Variants in SCRT2 observed in about 807,000 individuals in gnomAD.
SCRT2 encodes transcriptional repressor scratch 2.
A neutral mutation model predicts 3.7 loss-of-function variants in SCRT2; 2 were observed. That is an observed-to-expected ratio of 0.54 (90% CI 0.22 to 1.70). SCRT2 has a LOEUF of 1.70. Among genes scored for constraint, SCRT2 ranks in the 40% most tolerant of loss-of-function variants. The pLI, the probability that SCRT2 is intolerant of heterozygous loss-of-function variation, is 0.19. For missense variants in SCRT2, 456 were observed against 468.5 expected (o/e 0.97, Z 0.25); for synonymous variants, 256 against 220.6 (o/e 1.16, Z -1.42).
intron 1 of SCRT2, among the ~76,000 whole-genome samples, chr20:670,589 G>C (rs926239338): frequency 6.6e-6 from 1 of 152,164 alleles, no homozygotes; most frequent in Non-Finnish European, 1.5e-5. Flanking sequence ...GGCAAGTCAC[G>C]GCCTCTCTGT....
At chr20:671,660 G>T (rs559094107) in intron 1 of SCRT2, among the ~76,000 whole-genome samples, 3 of 152,208 alleles carry the variant, frequency 2.0e-5, no homozygotes, top group Admixed American at 6.5e-5. Flanking sequence ...GGAAGTGGGC[G>T]CTGGTTTAAT....
At chr20:668,760 G>A (rs1383842097) in intron 1 of SCRT2, among the ~76,000 whole-genome samples, 2 of 152,220 alleles carry the variant, frequency 1.3e-5, no homozygotes, top group African/African-American at 4.8e-5. Context: ...GGTACTCAAA[G>A]GAGTGGTGAA....
chr20:669,329 G>A (rs535555449), intron 1 of SCRT2, among the ~76,000 whole-genome samples: 1 of 152,228 alleles, frequency 6.6e-6, no homozygotes, highest in Non-Finnish European at 1.5e-5. Flanking sequence ...CCATGCCCTT[G>A]TTCTGCAGAA....
chr20:670,355 G>A (rs1031857651), intron 1 of SCRT2, among the ~76,000 whole-genome samples: 1 of 152,158 alleles, frequency 6.6e-6, no homozygotes, highest in Admixed American at 6.5e-5. Context: ...CTAGAAGGGT[G>A]CACTCAGAGG....
rs1244084769 is a variant in SCRT2, at chr20:661,684, T to A, written c.*1987A>T. Reference sequence around the variant, plus strand: ...GAAGGGATGGGGGTTTGGGGGTGAGTTGGGATAGGACGGAGGAGGAGCGCC... The same window carrying A: ...GAAGGGATGGGGGTTTGGGGGTGAGATGGGATAGGACGGAGGAGGAGCGCC... On this transcript the variant is annotated 3_prime_UTR_variant, in exon 2 of 2. Transcript: ENST00000246104. The A allele has an allele frequency of 1.3e-5, 2 of 152,490 alleles. No individual in the cohort carries two copies. Among genetic ancestry groups the A allele is most frequent in the Admixed American group, 6.5e-5 (1 of 15,274 alleles). The allele number at this position is 152,490 out of a possible 1,614,324, so 9.4% of individuals were successfully genotyped here.
chr20:669,281 C>T (rs935331340), intron 1 of SCRT2, among the ~76,000 whole-genome samples: 1 of 152,216 alleles, frequency 6.6e-6, no homozygotes, highest in African/African-American at 2.4e-5. Context: ...CTGCTAAATG[C>T]TTTGTGCACA....
chr20:674,226 G>C (rs539587455), intron 1 of SCRT2, among the ~76,000 whole-genome samples: 1 of 152,136 alleles, frequency 6.6e-6, no homozygotes, highest in South Asian at 2.1e-4. Context: ...CAGAGTGATG[G>C]AATGTGGGTG....
rs1266353179 is a variant in SCRT2 at position 675,486 on chromosome 20, C to T, written c.116G>A (p.Gly39Glu). 1 of 1,362,448 alleles carries T rather than the reference C, an allele frequency of 7.3e-7. No individual in the cohort carries two copies. The allele number at this position is 1,362,448 out of a possible 1,614,324, so 84.4% of individuals were successfully genotyped here. The change falls in exon 1 of 2, where the codon GGG (glycine) becomes GAG (glutamate). Residue 39 changes from glycine to glutamate, a missense_variant. Transcript: ENST00000246104. The surrounding 1 kb of genome is among the most constrained non-coding windows in gnomAD (Gnocchi z 6.9). ...ETAYVLPGAR[G>E]PPGDNGYAPH... The stretch of plus-strand genomic sequence containing the variant: ...CCACTCACCGTTGTCCCCGGGAGGC[C>T]CCCGGGCGCCAGGCAGCACGTAGGC...
chr20:671,212 G>A (rs1392263636), intron 1 of SCRT2, among the ~76,000 whole-genome samples: 3 of 152,240 alleles, frequency 2.0e-5, no homozygotes, highest in Non-Finnish European at 2.9e-5. Flanking sequence ...CTGGATAGCA[G>A]ACCTGGACCT....
At chr20:670,343 C>T (rs1984292855) in intron 1 of SCRT2, among the ~76,000 whole-genome samples, 2 of 152,196 alleles carry the variant, frequency 1.3e-5, no homozygotes, top group Non-Finnish European at 2.9e-5. Context: ...CCGCCTCTCT[C>T]TCTAGAAGGG....
intron 1 of SCRT2, among the ~76,000 whole-genome samples, chr20:674,566 G>A (rs1230805163): frequency 6.6e-6 from 1 of 152,156 alleles, no homozygotes; most frequent in Admixed American, 6.5e-5. Context: ...TGGAGGATGG[G>A]ATCCACAGAA....
chr20:671,254 C>T lies in SCRT2; in HGVS notation c.133+4215G>A, dbSNP rs147168229. 5.9e-5 allele frequency among the ~76,000 whole-genome samples: 9 copies of T among 152,316 alleles called. No homozygotes were observed. The East Asian group carries it at 1.7e-3, about 29-fold the overall frequency. ...TCAGACACTGACCTTGGACCTAGTC[C>T]TTGGACCTGGTCCTATACCTGAAGT... is the stretch of plus-strand genomic sequence containing the variant. On this transcript the variant is annotated intron_variant, in intron 1 of 1. Coordinates refer to ENST00000246104, the MANE Select transcript of SCRT2 (RefSeq NM_033129.4).
Position 663,326 on chromosome 20 carries a change from G to A in SCRT2, c.*345C>T, listed in dbSNP as rs956472661. 5.5e-5 allele frequency: 16 copies of A among 289,680 alleles called. No individual in the cohort carries two copies. The South Asian group carries it at 1.5e-3, about 27-fold the overall frequency. The allele number at this position is 289,680 out of a possible 1,614,324, so 17.9% of individuals were successfully genotyped here. A position where few individuals can be genotyped will look rare whatever the true frequency, so the allele number is the denominator to read the frequency against. ...GAGAGAAAAGATCTAGAAGTTAGAA[G>A]AGCAGCGCGGGGTCTGGGAGGGAGA... On this transcript the variant is annotated 3_prime_UTR_variant, in exon 2 of 2. Transcript: ENST00000246104. This position sits in a 1 kb window ranked among gnomAD's most constrained non-coding sequence, Gnocchi z 6.9.
chr20:672,848 G>A (rs542498885), intron 1 of SCRT2, among the ~76,000 whole-genome samples: 16 of 150,814 alleles, frequency 1.1e-4, no homozygotes, highest in Non-Finnish European at 1.9e-4. Context: ...AGAGAAAAAC[G>A]TCGGCTCAGC....
At chr20:672,108 TG>T (rs1984351856) in intron 1 of SCRT2, among the ~76,000 whole-genome samples, 1 of 152,156 alleles carries the variant, frequency 6.6e-6, no homozygotes, top group African/African-American at 2.4e-5. Flanking sequence ...AGACTGAGTC[TG>T]TGCTCAGAAT....
At position 667,646 on chromosome 20, in the gene SCRT2, G is replaced by A. The variant is rs968321660; in HGVS notation, c.134-3185C>T. Among the ~76,000 whole-genome samples the A allele has an allele frequency of 6.6e-6, 1 of 152,144 alleles. No homozygotes were observed. The highest frequency in any genetic ancestry group is 2.4e-5 in the African/African-American group (1 of 41,436). On this transcript the variant is annotated intron_variant, in intron 1 of 1. Transcript: ENST00000246104. The surrounding 1 kb of genome is among the most constrained non-coding windows in gnomAD (Gnocchi z 4.4). ...CTGTTGACTTTCCTCCTGTTGCAAG[G>A]GGCTCTTTATGAAGAAATAGGGGTG...
Position 667,655 on chromosome 20 carries a change from A to T in SCRT2, c.134-3194T>A, listed in dbSNP as rs978418032. ...TTCCTCCTGTTGCAAGGGGCTCTTT[A>T]TGAAGAAATAGGGGTGCCTTCAACA... On this transcript the variant is annotated intron_variant, in intron 1 of 1. Coordinates refer to ENST00000246104, the MANE Select transcript of SCRT2 (RefSeq NM_033129.4). This position sits in a 1 kb window ranked among gnomAD's most constrained non-coding sequence, Gnocchi z 4.4. Among the ~76,000 whole-genome samples the T allele has an allele frequency of 6.6e-6, 1 of 152,106 alleles. No individual in the cohort carries two copies. The highest frequency in any genetic ancestry group is 2.4e-5 in the African/African-American group (1 of 41,426).
In SCRT2 at chr20:664,417, G is replaced by C. The variant is rs1479365000; in HGVS notation, c.178C>G (p.Gln60Glu). The C allele has an allele frequency of 4.5e-6, 6 of 1,341,818 alleles. No homozygotes were observed. The highest frequency in any genetic ancestry group is 4.8e-6 in the Non-Finnish European group (5 of 1,037,392). 83.1% of individuals were successfully genotyped at this position (1,341,818 alleles called of 1,614,324 possible). A position where few individuals can be genotyped will look rare whatever the true frequency, so the allele number is the denominator to read the frequency against. ...GGGGCCAGCTCCAGGCCCGGCTTCT[G>C]GTCCGCATCGTAGCTGCTCGGGGGC... ...RLPPSSYDAD[Q>E]KPGLELAPAE... Residue 60 changes from glutamine to glutamate, a missense_variant, in exon 2 of 2, where the codon CAG becomes GAG. Gln to Glu is a conservative substitution (Grantham distance 29). Around this residue, in one of 3 missense-constraint regions of SCRT2, gnomAD observed 306 missense variants for 305.3 expected, o/e 1.00. Coordinates refer to ENST00000246104, the MANE Select transcript of SCRT2 (RefSeq NM_033129.4). The surrounding 1 kb of genome is among the most constrained non-coding windows in gnomAD (Gnocchi z 7.9).
In SCRT2 at chr20:664,115, G is replaced by T. The variant is rs992910233; in HGVS notation, c.480C>A (p.Cys160Ter). 6.3e-7 allele frequency: 1 copy of T among 1,593,764 alleles called. No individual in the cohort carries two copies. Among genetic ancestry groups the T allele is most frequent in the Non-Finnish European group, 8.5e-7 (1 of 1,174,110 alleles). ...GGGHRHACAE[C>*]GKTYATSSNL... ...TCGACGACGTGGCGTAGGTCTTGCC[G>T]CACTCGGCGCACGCGTGCCGGTGCC... Residue 160 changes from cysteine (C) to a stop codon, truncating the protein, a stop_gained, in exon 2 of 2, where the codon TGC (cysteine) becomes TGA (stop). Coordinates refer to ENST00000246104, the MANE Select transcript of SCRT2 (RefSeq NM_033129.4). LOFTEE classifies it low-confidence loss of function (END_TRUNC). This position sits in a 1 kb window ranked among gnomAD's most constrained non-coding sequence, Gnocchi z 7.9.
Sources: allele counts gnomAD v4.1 joint callset (sites outside exome capture counted in the v4.1 genomes callset), GRCh38; gene constraint gnomAD v4.1.1; regional missense constraint gnomAD v4.1.1; non-coding constraint Gnocchi (gnomAD v3.1); transcripts MANE v1.5; gene names NCBI Gene and HGNC (gene_info 2026-07-23, HGNC 2026-07-21).